The following SORCS3 variants were observed in gnomAD, a reference collection of about 807,000 sequenced individuals.
The protein encoded by SORCS3 is sortilin related VPS10 domain containing receptor 3, also known as VPS10 domain-containing receptor SorCS3.
Under a neutral mutation model 146.3 loss-of-function variants are expected in SORCS3, and 57 were observed. The ratio of observed to expected loss-of-function variants is 0.39; its 90% CI spans 0.31 to 0.49. SORCS3 has a LOEUF of 0.49. Among genes scored for constraint, SORCS3 ranks in the 20% least tolerant of loss-of-function variants. The probability of loss-of-function intolerance (pLI) is 0.92; values close to 1 mark genes in which losing one functional copy is unlikely to be tolerated. For missense variants in SORCS3, 1,341 were observed against 1,575.5 expected (o/e 0.85, Z 2.52); for synonymous variants, 653 against 618.5 (o/e 1.06, Z -0.83).
intron 5 of SORCS3, among the ~76,000 whole-genome samples, chr10:105,057,389 G>A (rs1348212310): frequency 1.3e-5 from 2 of 152,072 alleles, no homozygotes; most frequent in Admixed American, 1.3e-4. Context: ...AGCTACATAT[G>A]GGTATAACAG....
intron 1 of SORCS3, among the ~76,000 whole-genome samples, chr10:104,825,686 T>C (rs916056774): frequency 9.2e-5 from 14 of 152,160 alleles, no homozygotes; most frequent in Non-Finnish European, 1.0e-4. Context: ...TGAGATGTTA[T>C]TATGGGATAT....
intron 9 of SORCS3, among the ~76,000 whole-genome samples, chr10:105,150,429 C>T (rs1267467299): frequency 6.6e-6 from 1 of 152,050 alleles, no homozygotes; most frequent in Non-Finnish European, 1.5e-5. Flanking sequence ...AAAAGAGGGG[C>T]AGGGGTATGG....
chr10:105,204,306 G>A (rs1016662946), intron 16 of SORCS3, among the ~76,000 whole-genome samples: 2 of 151,984 alleles, frequency 1.3e-5, no homozygotes, highest in Non-Finnish European at 2.9e-5. Flanking sequence ...TCTACACCCT[G>A]CCATTTCTCA....
chr10:105,225,734 G>C (rs2056730363), intron 20 of SORCS3, among the ~76,000 whole-genome samples: 3 of 151,916 alleles, frequency 2.0e-5, no homozygotes, highest in African/African-American at 7.2e-5. Flanking sequence ...TGTTTATTTA[G>C]TTGTTATTTG....
chr10:105,098,710 C>G (rs1293058974), intron 6 of SORCS3, among the ~76,000 whole-genome samples: 1 of 152,138 alleles, frequency 6.6e-6, no homozygotes, highest in African/African-American at 2.4e-5. Context: ...CATATAGTTC[C>G]TAGAACACCA....
intron 5 of SORCS3, among the ~76,000 whole-genome samples, chr10:105,062,057 T>G (rs1011611478): frequency 2.0e-5 from 3 of 152,200 alleles, no homozygotes; most frequent in Admixed American, 6.5e-5. Context: ...AGTTATTTAT[T>G]TCAAATTCTT....
chr10:104,845,845 A>G (rs554437067), intron 2 of SORCS3, among the ~76,000 whole-genome samples: 1 of 152,170 alleles, frequency 6.6e-6, no homozygotes, highest in Non-Finnish European at 1.5e-5. Context: ...AAATGTCCCT[A>G]CCACAGGGCA....
intron 11 of SORCS3, among the ~76,000 whole-genome samples, chr10:105,163,882 A>AGT (rs1491332310): frequency 1.7e-5 from 2 of 114,598 alleles, no homozygotes; most frequent in Admixed American, 1.7e-4. Flanking sequence ...AGTTACGCAC[A>AGT]TACACACACA....
intron 1 of SORCS3, among the ~76,000 whole-genome samples, chr10:104,709,145 A>C (rs1480361282): frequency 6.6e-6 from 1 of 151,884 alleles, no homozygotes; most frequent in African/African-American, 2.4e-5. Flanking sequence ...TTCCTTTTTT[A>C]TTGCATCCAC....
chr10:105,012,653 C>G (rs539439297), intron 4 of SORCS3, among the ~76,000 whole-genome samples: 1 of 152,236 alleles, frequency 6.6e-6, no homozygotes, highest in South Asian at 2.1e-4. Flanking sequence ...TTTTCTCCCT[C>G]CACACACATA....
At chr10:104,771,382 A>G (rs2017248067) in intron 1 of SORCS3, among the ~76,000 whole-genome samples, 1 of 152,182 alleles carries the variant, frequency 6.6e-6, no homozygotes, top group South Asian at 2.1e-4. Context: ...CCCTGTGTGC[A>G]AGAGTAGAGG....
At chr10:104,945,953 C>T (rs1202641029) in intron 3 of SORCS3, among the ~76,000 whole-genome samples, 1 of 151,996 alleles carries the variant, frequency 6.6e-6, no homozygotes, top group Non-Finnish European at 1.5e-5. Flanking sequence ...GAGCTGGCAC[C>T]CTGGCTTCAG....
chr10:105,097,590 C>T (rs996045099), intron 6 of SORCS3, among the ~76,000 whole-genome samples: 1 of 152,330 alleles, frequency 6.6e-6, no homozygotes, highest in South Asian at 2.1e-4. Flanking sequence ...CTTAGCCTTC[C>T]TGTGATCCCT....
rs544661592 is a variant in SORCS3 at position 105,017,702 on chromosome 10, G to C, written c.955-25353G>C. On this transcript the variant is annotated intron_variant, in intron 4 of 26. Transcript: ENST00000369701. Reference sequence around the variant, plus strand: ...AAGTTTCATTTGTTTCACAAGGGTGGATCCTTGTCTGTTATGATCCACTCC... The same window carrying C: ...AAGTTTCATTTGTTTCACAAGGGTGCATCCTTGTCTGTTATGATCCACTCC... Among the ~76,000 whole-genome samples the C allele has an allele frequency of 7.2e-5, 11 of 152,272 alleles. No homozygotes were observed. The East Asian group carries it at 2.1e-3, about 29-fold the overall frequency.
intron 14 of SORCS3, among the ~76,000 whole-genome samples, chr10:105,196,547 G>A (rs2056545332): frequency 6.6e-6 from 1 of 152,226 alleles, no homozygotes; most frequent in Admixed American, 6.5e-5. Flanking sequence ...GGAGGTTACA[G>A]TGAGCCAAGA....
Position 104,682,066 on chromosome 10 carries a change from C to T in SORCS3, c.627+40112C>T, listed in dbSNP as rs149902982. On this transcript the variant is annotated intron_variant, in intron 1 of 26. Transcript: ENST00000369701. ...TTTGTTTCCAGGCTGCCATGTGATA[C>T]TGTGAAGGGGCTGGTGGGGGGAGTA... Among the ~76,000 whole-genome samples, 307 of 152,268 alleles carry T rather than the reference C, an allele frequency of 2.0e-3. 1 individual carries two copies. The highest frequency in any genetic ancestry group is 7.1e-3 in the African/African-American group (294 of 41,554).
chr10:105,147,532 C>T, intron 8 of SORCS3, 85 bp from the exon 9 acceptor site: 1 of 1,216,772 alleles, frequency 8.2e-7, no homozygotes, highest in Non-Finnish European at 1.1e-6. Context: ...TCAGCAATTT[C>T]ATAAGTCATA....
At chr10:105,006,640 G>A (rs9783122) in intron 4 of SORCS3, among the ~76,000 whole-genome samples, 36,023 of 151,792 alleles carry the variant, frequency 0.24, 4,897 homozygotes, top group African/African-American at 0.37. Context: ...CACTTCTCTG[G>A]CCTTATCTCT....
At chr10:105,248,530 A>G (rs761559171) in intron 22 of SORCS3, among the ~76,000 whole-genome samples, 4 of 152,162 alleles carry the variant, frequency 2.6e-5, no homozygotes, top group Admixed American at 6.5e-5. Flanking sequence ...CCTGGCCAAC[A>G]TGGTGAAACC....
Sources: gnomAD v4.1 joint callset for allele counts (sites outside exome capture counted in the v4.1 genomes callset) on GRCh38, gnomAD v4.1.1 for gene constraint, MANE v1.5 for transcripts, NCBI Gene and HGNC (gene_info 2026-07-23, HGNC 2026-07-21) for gene names.